THSD7B: variants seen among roughly 807,000 people sequenced by gnomAD.
The protein encoded by THSD7B is thrombospondin type-1 domain-containing protein 7B.
Under a neutral mutation model 213.6 loss-of-function variants are expected in THSD7B, and 138 were observed. The ratio of observed to expected loss-of-function variants is 0.65; its 90% CI spans 0.56 to 0.74. THSD7B has a LOEUF of 0.74. Among genes scored for constraint, THSD7B ranks in the 30% least tolerant of loss-of-function variants. The pLI is 0.00. For missense variants in THSD7B, 1,931 were observed against 1,991.5 expected, an observed-to-expected ratio of 0.97 and a Z score of 0.58; for synonymous variants, 742 against 687.0, an observed-to-expected ratio of 1.08 and a Z score of -1.25.
At chr2:137,110,396 G>A (rs1243599446) in intron 4 of THSD7B, among the ~76,000 whole-genome samples, 2 of 152,170 alleles carry the variant, frequency 1.3e-5, no homozygotes, top group Admixed American at 6.5e-5. Flanking sequence ...TCAGGCTTCA[G>A]TCTTCCATCC....
chr2:136,821,484 C>G (rs72850066), intron 1 of THSD7B, among the ~76,000 whole-genome samples: 21,881 of 152,234 alleles, frequency 0.14, 1,707 homozygotes, highest in Middle Eastern at 0.3. Flanking sequence ...TCTCTCCTCC[C>G]TGCTCCAGTT....
chr2:137,028,088 A>G (rs565667717), intron 2 of THSD7B, among the ~76,000 whole-genome samples: 1 of 152,250 alleles, frequency 6.6e-6, no homozygotes, highest in East Asian at 1.9e-4. Flanking sequence ...AATTAAATAG[A>G]GCTTCATTTC....
At chr2:136,878,176 T>C (rs1683555655) in intron 1 of THSD7B, among the ~76,000 whole-genome samples, 1 of 152,176 alleles carries the variant, frequency 6.6e-6, no homozygotes, top group Non-Finnish European at 1.5e-5. Flanking sequence ...CGGTGTTTGG[T>C]TTTTTGTCCT....
At chr2:136,845,852 G>A (rs890724234) in intron 1 of THSD7B, among the ~76,000 whole-genome samples, 2 of 152,176 alleles carry the variant, frequency 1.3e-5, no homozygotes, top group Admixed American at 6.5e-5. Flanking sequence ...TGAACATTTG[G>A]AAACTGAAAT....
At chr2:137,559,418 C>T (rs1368324366) in intron 15 of THSD7B, among the ~76,000 whole-genome samples, 5 of 152,240 alleles carry the variant, frequency 3.3e-5, no homozygotes, top group East Asian at 1.9e-4. Context: ...CACACATCTA[C>T]AACTATCTGA....
At chr2:137,280,884 G>T (rs1054296383) in intron 12 of THSD7B, among the ~76,000 whole-genome samples, 1 of 152,028 alleles carries the variant, frequency 6.6e-6, no homozygotes, top group Non-Finnish European at 1.5e-5. Context: ...TCCAGGGACC[G>T]ATTTTTTGTT....
chr2:136,782,589 G>C (rs1203684492), intron 1 of THSD7B, among the ~76,000 whole-genome samples: 1 of 152,140 alleles, frequency 6.6e-6, no homozygotes, highest in Non-Finnish European at 1.5e-5. Flanking sequence ...TAGAAGTAGA[G>C]AGTAGAATGG....
chr2:137,604,180 A>G (rs1287199666), intron 17 of THSD7B, among the ~76,000 whole-genome samples: 1 of 152,138 alleles, frequency 6.6e-6, no homozygotes, highest in Admixed American at 6.6e-5. Context: ...CTAATTGCTC[A>G]TAGCTTCCTG....
chr2:137,393,590 T>C (rs549532106), intron 12 of THSD7B, among the ~76,000 whole-genome samples: 3 of 147,464 alleles, frequency 2.0e-5, no homozygotes, highest in African/African-American at 5.0e-5. Flanking sequence ...TTCCAAGTCT[T>C]TGCTATTGTG....
At chr2:137,301,834 GGA>G (rs1207615307) in intron 12 of THSD7B, among the ~76,000 whole-genome samples, 1 of 152,068 alleles carries the variant, frequency 6.6e-6, no homozygotes, top group East Asian at 1.9e-4. Flanking sequence ...AAAAGGTGGG[GGA>G]GAGGTATAAA....
intron 2 of THSD7B, among the ~76,000 whole-genome samples, chr2:136,991,091 G>A (rs1210094036): frequency 6.6e-6 from 1 of 152,152 alleles, no homozygotes; most frequent in Admixed American, 6.6e-5. Flanking sequence ...CAATAGAAAG[G>A]CTGTACATTT....
chr2:137,493,159 A>G (rs1379760941), intron 15 of THSD7B, among the ~76,000 whole-genome samples: 3 of 151,466 alleles, frequency 2.0e-5, no homozygotes, highest in Middle Eastern at 3.4e-3. Flanking sequence ...CAGGAAAAGA[A>G]AAAGGAAAGA....
At chr2:137,020,306 G>A (rs1232914916) in intron 2 of THSD7B, among the ~76,000 whole-genome samples, 2 of 152,172 alleles carry the variant, frequency 1.3e-5, no homozygotes, top group Admixed American at 6.5e-5. Flanking sequence ...GAGCACGGTG[G>A]CACATAAAGC....
intron 15 of THSD7B, among the ~76,000 whole-genome samples, chr2:137,508,376 A>ACT (rs1553456074): frequency 2.8e-5 from 3 of 107,950 alleles, no homozygotes; most frequent in African/African-American, 1.1e-4. Flanking sequence ...AAATAAAACA[A>ACT]TTTTTTTTTT....
chr2:136,827,343 G>A (rs569932026), intron 1 of THSD7B, among the ~76,000 whole-genome samples: 38 of 152,272 alleles, frequency 2.5e-4, no homozygotes, highest in Non-Finnish European at 7.3e-5. Flanking sequence ...ATGAATAGCT[G>A]GTCCTGAGCT....
chr2:137,106,148 C>A (rs1688244318), intron 4 of THSD7B, among the ~76,000 whole-genome samples: 1 of 152,156 alleles, frequency 6.6e-6, no homozygotes, highest in African/African-American at 2.4e-5. Context: ...TCAAACTATA[C>A]TACAAGGCTA....
intron 2 of THSD7B, among the ~76,000 whole-genome samples, chr2:137,054,955 T>G (rs572070427): frequency 3.0e-4 from 45 of 152,172 alleles, no homozygotes; most frequent in African/African-American, 1.1e-3. Context: ...CGACAGGCCC[T>G]GGTGGGTGAT....
intron 26 of THSD7B, among the ~76,000 whole-genome samples, chr2:137,666,468 G>A (rs1683448571): frequency 6.6e-6 from 1 of 151,954 alleles, no homozygotes; most frequent in Admixed American, 6.6e-5. Context: ...ATAGGTAGTT[G>A]TAATGTAATT....
At chr2:136,999,719 G>A (rs953173531) in intron 2 of THSD7B, among the ~76,000 whole-genome samples, 4 of 151,880 alleles carry the variant, frequency 2.6e-5, no homozygotes, top group Admixed American at 6.6e-5. Context: ...TGAACATACT[G>A]TTTAGATTAC....
Sources: allele counts gnomAD v4.1 joint callset (sites outside exome capture counted in the v4.1 genomes callset), GRCh38; gene constraint gnomAD v4.1.1; transcripts MANE v1.5; gene names NCBI Gene and HGNC (gene_info 2026-07-23, HGNC 2026-07-21).